The following NT5M variants were observed in gnomAD, a reference collection of about 807,000 sequenced individuals.
The protein encoded by NT5M is 5'(3')-deoxyribonucleotidase, mitochondrial.
In NT5M, 22 loss-of-function variants were observed where a neutral mutation model predicts 22.2. The ratio of observed to expected loss-of-function variants is 0.99; its 90% confidence interval spans 0.71 to 1.41. The LOEUF is 1.41. Ranked by LOEUF, NT5M falls within the 40% of genes most tolerant of loss-of-function variation. The pLI is 0.00. For missense variants in NT5M, 322 were observed against 314.8 expected (o/e 1.02, Z -0.17); for synonymous variants, 167 against 133.0 (o/e 1.26, Z -1.76).
At chr17:17,335,801 T>G (rs1299051976) in intron 3 of NT5M, among the ~76,000 whole-genome samples, 2 of 151,826 alleles carry the variant, frequency 1.3e-5, no homozygotes, top group African/African-American at 4.8e-5. Flanking sequence ...TCCGGCTAAT[T>G]TTTGTATTTT....
chr17:17,319,229 A>G (rs998187594), intron 2 of NT5M, among the ~76,000 whole-genome samples: 12 of 150,378 alleles, frequency 8.0e-5, no homozygotes, highest in African/African-American at 2.9e-4. Context: ...AAAAAAAAAA[A>G]GTTTCTGAAC....
chr17:17,313,051 C>T (rs1367418528), intron 2 of NT5M, among the ~76,000 whole-genome samples: 2 of 152,138 alleles, frequency 1.3e-5, no homozygotes, highest in East Asian at 3.9e-4. Flanking sequence ...GGGCGGATCA[C>T]CTGAGGTCAG....
chr17:17,340,322 A>G (rs2049610902), intron 3 of NT5M, among the ~76,000 whole-genome samples: 1 of 151,888 alleles, frequency 6.6e-6, no homozygotes, highest in East Asian at 1.9e-4. Context: ...TATCAGTTGT[A>G]GTGTTTCCTT....
intron 4 of NT5M, among the ~76,000 whole-genome samples, chr17:17,345,771 A>G (rs1414215517): frequency 1.3e-5 from 2 of 152,150 alleles, no homozygotes; most frequent in East Asian, 3.9e-4. Context: ...TGATTGCACC[A>G]CTGCATTCCA....
At chr17:17,321,044 T>G (rs1179741319) in intron 2 of NT5M, among the ~76,000 whole-genome samples, 1 of 152,130 alleles carries the variant, frequency 6.6e-6, no homozygotes, top group Non-Finnish European at 1.5e-5. Context: ...GGGGACATTC[T>G]GCTTCGAAGG....
At chr17:17,330,116 C>T (rs1399504986) in intron 3 of NT5M, among the ~76,000 whole-genome samples, 5 of 152,084 alleles carry the variant, frequency 3.3e-5, no homozygotes, top group Admixed American at 6.5e-5. Flanking sequence ...TTGGCTAACA[C>T]GGTGAAACCC....
intron 2 of NT5M, among the ~76,000 whole-genome samples, chr17:17,315,960 T>G (rs192984047): frequency 3.8e-4 from 58 of 151,680 alleles, no homozygotes; most frequent in African/African-American, 1.0e-3. Flanking sequence ...TTTCACTGTG[T>G]TAGCCAGAAT....
intron 2 of NT5M, among the ~76,000 whole-genome samples, chr17:17,315,083 C>T (rs916586874): frequency 1.3e-5 from 2 of 152,058 alleles, no homozygotes; most frequent in Admixed American, 6.6e-5. Flanking sequence ...AAAATATTTG[C>T]CAAATGAATA....
At chr17:17,321,746 G>A (rs2049156161) in intron 2 of NT5M, among the ~76,000 whole-genome samples, 1 of 151,906 alleles carries the variant, frequency 6.6e-6, no homozygotes, top group African/African-American at 2.4e-5. Flanking sequence ...ACAGGCCTGG[G>A]TGGAGGATGA....
At chr17:17,313,242 G>A (rs1290424734) in intron 2 of NT5M, among the ~76,000 whole-genome samples, 2 of 152,140 alleles carry the variant, frequency 1.3e-5, no homozygotes, top group African/African-American at 2.4e-5. Context: ...TTGCGCCATT[G>A]CACTCCAGCC....
At chr17:17,309,270 T>C (rs1597743556) in intron 2 of NT5M, among the ~76,000 whole-genome samples, 1 of 151,926 alleles carries the variant, frequency 6.6e-6, no homozygotes, top group Admixed American at 6.6e-5. Context: ...TGACCACAGA[T>C]GCACACTACT....
chr17:17,309,267 A>G (rs2048875025), intron 2 of NT5M, among the ~76,000 whole-genome samples: 1 of 151,906 alleles, frequency 6.6e-6, no homozygotes, highest in Non-Finnish European at 1.5e-5. Context: ...CTGTGACCAC[A>G]GATGCACACT....
At chr17:17,346,426 A>C (rs1420085684) in intron 4 of NT5M, among the ~76,000 whole-genome samples, 2 of 152,208 alleles carry the variant, frequency 1.3e-5, no homozygotes, top group African/African-American at 4.8e-5. Context: ...ATGGTGGGGC[A>C]CAGAGAGGGA....
intron 1 of NT5M, among the ~76,000 whole-genome samples, chr17:17,306,320 G>A (rs1229383971): frequency 1.3e-5 from 2 of 152,172 alleles, no homozygotes; most frequent in Non-Finnish European, 2.9e-5. Flanking sequence ...TGACACCTTT[G>A]CTGGTCTCTG....
chr17:17,313,285 AAAC>A (rs1452037756), intron 2 of NT5M, among the ~76,000 whole-genome samples: 1 of 152,194 alleles, frequency 6.6e-6, no homozygotes, highest in Non-Finnish European at 1.5e-5. Context: ...GTCTCAAAAA[AAAC>A]ACCAAAAACC....
chr17:17,312,612 C>A (rs1232044143), intron 2 of NT5M, among the ~76,000 whole-genome samples: 4 of 147,952 alleles, frequency 2.7e-5, no homozygotes, highest in Admixed American at 2.0e-4. Flanking sequence ...CCATTGTACT[C>A]CAGCCTGGGC....
At chr17:17,342,909 G>C (rs551514757) in intron 3 of NT5M, among the ~76,000 whole-genome samples, 106 of 152,328 alleles carry the variant, frequency 7.0e-4, no homozygotes, top group Middle Eastern at 6.8e-3. Flanking sequence ...TCCTGGAACT[G>C]TACCTCATGC....
intron 2 of NT5M, among the ~76,000 whole-genome samples, chr17:17,310,912 A>G (rs947511211): frequency 4.6e-5 from 7 of 152,054 alleles, no homozygotes; most frequent in African/African-American, 1.7e-4. Flanking sequence ...TTATCCCAGC[A>G]CTTTGGGAGG....
Position 17,347,203 on chromosome 17 carries a change from G to C in NT5M, c.*256G>C. 1 of 512,238 alleles carries C rather than the reference G, an allele frequency of 2.0e-6. No homozygotes were observed. Among genetic ancestry groups the C allele is most frequent in the South Asian group, 2.5e-5 (1 of 40,332 alleles). The allele number at this position is 512,238 out of a possible 1,614,324, so 31.7% of individuals were successfully genotyped here. ...CCTGACCTCAGGCAGCAGGCACCAAGCTGCCAGAAGCCCAGGGGCTCAGGA... is the reference window on the plus strand; with the variant it reads ...CCTGACCTCAGGCAGCAGGCACCAACCTGCCAGAAGCCCAGGGGCTCAGGA... On this transcript the variant is annotated 3_prime_UTR_variant, in exon 5 of 5. Coordinates refer to ENST00000389022, the MANE Select transcript of NT5M (RefSeq NM_020201.4).
Sources: gnomAD v4.1 joint callset for allele counts (sites outside exome capture counted in the v4.1 genomes callset) on GRCh38, gnomAD v4.1.1 for gene constraint, MANE v1.5 for transcripts, NCBI Gene and HGNC (gene_info 2026-07-23, HGNC 2026-07-21) for gene names.